LMBR1: variants seen among roughly 807,000 people sequenced by gnomAD.
LMBR1 encodes the protein limb region 1 protein homolog.
Under a neutral mutation model 73.9 loss-of-function variants are expected in LMBR1, and 52 were observed. The observed-to-expected ratio is 0.70, with a 90% CI of 0.56 to 0.89. The LOEUF is 0.89. Among genes scored for constraint, LMBR1 ranks in the 40% least tolerant of loss-of-function variants. LMBR1 has a pLI of 0.00. For missense variants in LMBR1, 539 were observed against 579.8 expected, an observed-to-expected ratio of 0.93 and a Z score of 0.72; for synonymous variants, 215 against 209.4, an observed-to-expected ratio of 1.03 and a Z score of -0.23.
intron 1 of LMBR1, among the ~76,000 whole-genome samples, chr7:156,837,903 CA>C (rs983121398): frequency 2.0e-4 from 30 of 151,558 alleles, no homozygotes; most frequent in African/African-American, 7.3e-4. Flanking sequence ...TCTCCCATCT[CA>C]GCCTGCCGAG....
At chr7:156,881,446 A>T (rs1168325603) in intron 1 of LMBR1, among the ~76,000 whole-genome samples, 1 of 152,268 alleles carries the variant, frequency 6.6e-6, no homozygotes, top group African/African-American at 2.4e-5. Context: ...CACGGATATA[A>T]CATCAATAGC....
At chr7:156,876,608 T>C (rs1217408376) in intron 1 of LMBR1, among the ~76,000 whole-genome samples, 2 of 152,094 alleles carry the variant, frequency 1.3e-5, no homozygotes, top group African/African-American at 4.8e-5. Flanking sequence ...AAATTGAAAT[T>C]ATACCAAGTA....
At chr7:156,892,676 G>T in intron 1 of LMBR1, 1 of 346,286 alleles carries the variant, frequency 2.9e-6, no homozygotes, top group South Asian at 6.3e-5. Context: ...AGCGCGAGGG[G>T]GCAGGGGAGG....
At chr7:156,675,951 C>G (rs1473855717), downstream of LMBR1, 2 of 1,376,592 alleles carry the variant, frequency 1.5e-6, no homozygotes, top group Non-Finnish European at 2.0e-6. Context: ...AGGTCGAGGA[C>G]TCACTTTGGG....
At chr7:156,675,775 T>C (rs1803804018), downstream of LMBR1, 3 of 1,614,006 alleles carry the variant, frequency 1.9e-6, no homozygotes, top group Non-Finnish European at 2.5e-6. Flanking sequence ...GATCAGTGCT[T>C]GGCCATAAAT....
intron 4 of LMBR1, among the ~76,000 whole-genome samples, chr7:156,821,570 G>A (rs1834802982): frequency 6.6e-6 from 1 of 152,216 alleles, no homozygotes; most frequent in African/African-American, 2.4e-5. Flanking sequence ...TTGGCCAGAT[G>A]CTCAGAGTCT....
chr7:156,772,901 T>C (rs1463877947), intron 5 of LMBR1, among the ~76,000 whole-genome samples: 2 of 151,850 alleles, frequency 1.3e-5, no homozygotes, highest in Admixed American at 6.6e-5. Context: ...GGCATTCATA[T>C]AGGAAGAGGA....
In LMBR1 at chr7:156,837,223, T is replaced by C. The variant is rs376906581; in HGVS notation, c.67-338A>G. Among the ~76,000 whole-genome samples the C allele has an allele frequency of 4.2e-4, 64 of 151,214 alleles. 1 individual carries two copies. In the East Asian group the frequency reaches 0.012, roughly 28 times the overall value. ...GTGGCGGTGCACCTGCAATCCCAGC[T>C]ACTCGAGATGCTGAGGCAGGAGAAT... On this transcript the variant is annotated intron_variant, in intron 1 of 16. Coordinates refer to ENST00000353442, the MANE Select transcript of LMBR1 (RefSeq NM_022458.4).
chr7:156,848,847 C>T (rs1172383292), intron 1 of LMBR1, among the ~76,000 whole-genome samples: 1 of 150,564 alleles, frequency 6.6e-6, no homozygotes, highest in Admixed American at 6.7e-5. Flanking sequence ...ACAAGAATCA[C>T]TTGAACCTGG....
intron 1 of LMBR1, among the ~76,000 whole-genome samples, chr7:156,882,968 T>C (rs1801325677): frequency 6.7e-6 from 1 of 148,680 alleles, no homozygotes; most frequent in African/African-American, 2.5e-5. Flanking sequence ...GAGGTGGAGG[T>C]TGCAGTGAGC....
At chr7:156,675,836 A>G (rs376318219), downstream of LMBR1, 3 of 1,613,924 alleles carry the variant, frequency 1.9e-6, no homozygotes, top group Admixed American at 3.3e-5. Flanking sequence ...AGATCACAGA[A>G]GAGGAATGGG....
chr7:156,825,373 G>A lies in LMBR1; in HGVS notation c.319+1232C>T, dbSNP rs201604656. ...ATCAACACTAATAAAATGAGAGACGGGTATGGGTATGATGAGCAAGAAAGA... is the reference window on the plus strand; with the variant it reads ...ATCAACACTAATAAAATGAGAGACGAGTATGGGTATGATGAGCAAGAAAGA... On this transcript the variant is annotated intron_variant, in intron 4 of 16. Transcript: ENST00000353442. Among the ~76,000 whole-genome samples the A allele has an allele frequency of 1.1e-4, 16 of 151,936 alleles. No individual in the cohort carries two copies. In the East Asian group the frequency reaches 2.3e-3, roughly 22 times the overall value.
intron 8 of LMBR1, among the ~76,000 whole-genome samples, chr7:156,761,907 G>A (rs557746256): frequency 9.4e-5 from 14 of 149,612 alleles, no homozygotes; most frequent in African/African-American, 3.2e-4. Context: ...AACCCAGGGG[G>A]CGGAGCCTGC....
chr7:156,747,482 A>T (rs899799084), intron 9 of LMBR1, among the ~76,000 whole-genome samples: 1 of 152,196 alleles, frequency 6.6e-6, no homozygotes, highest in Non-Finnish European at 1.5e-5. Context: ...AGAGGTACTA[A>T]GTATTTAACT....
intron 5 of LMBR1, among the ~76,000 whole-genome samples, chr7:156,776,183 A>T (rs568559773): frequency 6.6e-6 from 1 of 151,786 alleles, no homozygotes; most frequent in African/African-American, 2.4e-5. Flanking sequence ...ATGGTTCACT[A>T]TAATGACTCA....
intron 1 of LMBR1, among the ~76,000 whole-genome samples, chr7:156,877,897 A>T (rs888674905): frequency 1.3e-5 from 2 of 151,764 alleles, no homozygotes; most frequent in Non-Finnish European, 2.9e-5. Context: ...AAAAAAAAAA[A>T]ATACGCAAGT....
At chr7:156,689,935 C>T (rs1806816107) in intron 15 of LMBR1, among the ~76,000 whole-genome samples, 1 of 152,216 alleles carries the variant, frequency 6.6e-6, no homozygotes, top group African/African-American at 2.4e-5. Flanking sequence ...GCTTCAGTGG[C>T]TTCAACCCAG....
intron 4 of LMBR1, among the ~76,000 whole-genome samples, chr7:156,802,719 C>T (rs1831223344): frequency 6.6e-6 from 1 of 152,096 alleles, no homozygotes; most frequent in Admixed American, 6.6e-5. Context: ...TGAACATAAA[C>T]ACATCCATCA....
At chr7:156,889,664 G>A (rs1384121816) in intron 1 of LMBR1, among the ~76,000 whole-genome samples, 3 of 152,138 alleles carry the variant, frequency 2.0e-5, no homozygotes, top group Non-Finnish European at 2.9e-5. Flanking sequence ...TACCAAAACC[G>A]TTTTCAGGGG....
Sources: allele counts gnomAD v4.1 joint callset (sites outside exome capture counted in the v4.1 genomes callset), GRCh38; gene constraint gnomAD v4.1.1; transcripts MANE v1.5; gene names NCBI Gene and HGNC (gene_info 2026-07-23, HGNC 2026-07-21).